The following ACOXL variants were observed in gnomAD, a reference collection of about 807,000 sequenced individuals.
ACOXL encodes acyl-CoA oxidase like.
ACOXL carries 70 observed loss-of-function variants against 71.9 expected under a neutral mutation model. That is an observed-to-expected ratio of 0.97 (90% CI 0.80 to 1.19). The LOEUF (loss-of-function observed/expected upper bound fraction) is 1.19, where lower values mean the gene tolerates loss of function less well. Ranked by LOEUF, ACOXL falls within the 50% of genes most tolerant of loss-of-function variation. The pLI, the probability that ACOXL is intolerant of heterozygous loss-of-function variation, is 0.00. For missense variants in ACOXL, 703 were observed against 736.3 expected (o/e 0.95, Z 0.52); for synonymous variants, 253 against 281.6 (o/e 0.90, Z 1.02).
At chr2:110,996,990 TGC>T (rs1462917481) in intron 14 of ACOXL, among the ~76,000 whole-genome samples, 1 of 152,172 alleles carries the variant, frequency 6.6e-6, no homozygotes, top group African/African-American at 2.4e-5. Flanking sequence ...GGTGAGGCTG[TGC>T]CAGACCCCAC....
chr2:111,073,488 A>C (rs1292114429), intron 16 of ACOXL, among the ~76,000 whole-genome samples: 1 of 152,194 alleles, frequency 6.6e-6, no homozygotes, highest in African/African-American at 2.4e-5. Flanking sequence ...TGTGATATCA[A>C]ATTGACTATT....
chr2:110,947,553 T>G (rs1308647253), intron 12 of ACOXL, among the ~76,000 whole-genome samples: 1 of 152,214 alleles, frequency 6.6e-6, no homozygotes, highest in Non-Finnish European at 1.5e-5. Flanking sequence ...TTCTCTTTCC[T>G]TTCCCTTTTG....
At chr2:111,084,865 A>T (rs1277537918) in intron 16 of ACOXL, among the ~76,000 whole-genome samples, 1 of 149,660 alleles carries the variant, frequency 6.7e-6, no homozygotes, top group Admixed American at 6.7e-5. Context: ...AAATGAAGGG[A>T]TGGTGAAAAA....
intron 15 of ACOXL, among the ~76,000 whole-genome samples, chr2:111,035,404 A>G (rs925307450): frequency 2.0e-5 from 3 of 152,218 alleles, no homozygotes; most frequent in Admixed American, 2.0e-4. Flanking sequence ...CTTGCCCTAG[A>G]AAGTGCAGCT....
chr2:110,937,475 G>T (rs1023725826), intron 12 of ACOXL, among the ~76,000 whole-genome samples: 4 of 152,132 alleles, frequency 2.6e-5, no homozygotes, highest in Non-Finnish European at 4.4e-5. Flanking sequence ...ACAGTATCAC[G>T]GCCCTGATTT....
intron 11 of ACOXL, among the ~76,000 whole-genome samples, chr2:110,921,015 A>T (rs1018006476): frequency 6.6e-6 from 1 of 152,202 alleles, no homozygotes; most frequent in African/African-American, 2.4e-5. Context: ...TTTAATAAAT[A>T]TAGGACTTTT....
intron 14 of ACOXL, among the ~76,000 whole-genome samples, chr2:111,031,198 A>T (rs1414286818): frequency 2.0e-5 from 3 of 152,222 alleles, no homozygotes; most frequent in Non-Finnish European, 4.4e-5. Flanking sequence ...TTTGAGAAAC[A>T]CTTTGGAAAC....
intron 1 of ACOXL, among the ~76,000 whole-genome samples, chr2:110,735,681 TCCGG>T (rs1676745446): frequency 6.6e-6 from 1 of 152,188 alleles, no homozygotes; most frequent in Non-Finnish European, 1.5e-5. Context: ...GTCCTCAGAC[TCCGG>T]GAGCATCCTG....
At chr2:110,984,427 C>G (rs1161976044) in intron 12 of ACOXL, among the ~76,000 whole-genome samples, 2 of 152,136 alleles carry the variant, frequency 1.3e-5, no homozygotes, top group Non-Finnish European at 1.5e-5. Flanking sequence ...GACCTAGAGT[C>G]TGTAATGCCC....
intron 9 of ACOXL, among the ~76,000 whole-genome samples, chr2:110,822,183 T>C (rs1218672698): frequency 6.6e-6 from 1 of 151,970 alleles, no homozygotes. Context: ...TTCCAGTTGA[T>C]AAGCCAAGGA....
At chr2:110,749,866 C>T (rs901991509) in intron 1 of ACOXL, among the ~76,000 whole-genome samples, 1 of 152,200 alleles carries the variant, frequency 6.6e-6, no homozygotes, top group African/African-American at 2.4e-5. Flanking sequence ...TCAGGGTCCC[C>T]TGGTCTGTGA....
chr2:110,944,053 T>TTTTTTA (rs2061001136), intron 12 of ACOXL, among the ~76,000 whole-genome samples: 1 of 152,100 alleles, frequency 6.6e-6, no homozygotes, highest in African/African-American at 2.4e-5. Context: ...ATACTTTTAT[T>TTTTTTA]TTTTTATTTT....
intron 10 of ACOXL, among the ~76,000 whole-genome samples, chr2:110,897,247 G>A (rs771898216): frequency 2.0e-5 from 3 of 152,148 alleles, no homozygotes; most frequent in Non-Finnish European, 4.4e-5. Flanking sequence ...GGAAAATTTT[G>A]TAACACTAAA....
At chr2:110,980,777 C>T (rs1410235311) in intron 12 of ACOXL, among the ~76,000 whole-genome samples, 1 of 152,204 alleles carries the variant, frequency 6.6e-6, no homozygotes, top group African/African-American at 2.4e-5. Context: ...GCCGCCCAGG[C>T]TTCTCCATGC....
At chr2:110,764,572 A>C (rs753853639) in intron 1 of ACOXL, among the ~76,000 whole-genome samples, 1 of 152,226 alleles carries the variant, frequency 6.6e-6, no homozygotes, top group Non-Finnish European at 1.5e-5. Context: ...ATAATAGTAG[A>C]TACATGTCAT....
At chr2:110,771,287 A>G (rs1233762533) in intron 2 of ACOXL, among the ~76,000 whole-genome samples, 1 of 152,216 alleles carries the variant, frequency 6.6e-6, no homozygotes, top group Non-Finnish European at 1.5e-5. Flanking sequence ...GGAGCTGTCC[A>G]CATCCAGTAA....
intron 10 of ACOXL, among the ~76,000 whole-genome samples, chr2:110,855,421 C>G (rs1693111691): frequency 6.6e-6 from 1 of 152,070 alleles, no homozygotes; most frequent in African/African-American, 2.4e-5. Context: ...TGTGTTCTTT[C>G]TAGTGTATTA....
chr2:110,739,913 GT>G lies in ACOXL; in HGVS notation c.-23+7143del, dbSNP rs1677304183. Among the ~76,000 whole-genome samples, 3 of 152,284 alleles carry G rather than the reference GT, an allele frequency of 2.0e-5. No individual in the cohort carries two copies. The South Asian group carries it at 6.2e-4, about 32-fold the overall frequency. On this transcript the variant is annotated intron_variant, in intron 1 of 17. Transcript: ENST00000439055. ...CTTGAGTTCTTGGTTGGTCCACGTG[GT>G]TTTATGCCATAAATCATTTTATTAT...
At chr2:110,894,825 C>T (rs1390626329) in intron 10 of ACOXL, among the ~76,000 whole-genome samples, 6 of 152,154 alleles carry the variant, frequency 3.9e-5, no homozygotes, top group Non-Finnish European at 5.9e-5. Flanking sequence ...CCTGCCCCTC[C>T]CTAGCAGTAA....
Sources: allele counts gnomAD v4.1 joint callset (sites outside exome capture counted in the v4.1 genomes callset), GRCh38; gene constraint gnomAD v4.1.1; transcripts MANE v1.5; gene names NCBI Gene and HGNC (gene_info 2026-07-23, HGNC 2026-07-21).